The following GLRA1 variants were observed in gnomAD, a reference collection of about 807,000 sequenced individuals.
GLRA1 encodes glycine receptor subunit alpha-1.
Under a neutral mutation model 48.3 loss-of-function variants are expected in GLRA1, and 37 were observed. That is an observed-to-expected ratio of 0.77 (90% CI 0.59 to 1.01). GLRA1 has a LOEUF of 1.01. GLRA1 is among the 50% of genes least tolerant of loss of function. The pLI, the probability that GLRA1 is intolerant of heterozygous loss-of-function variation, is 0.00. For missense variants in GLRA1, 427 were observed against 571.0 expected (o/e 0.75, Z 2.57); for synonymous variants, 196 against 210.7 (o/e 0.93, Z 0.60).
chr5:151,866,399 C>G (rs1004134868), intron 3 of GLRA1, among the ~76,000 whole-genome samples: 6 of 152,276 alleles, frequency 3.9e-5, no homozygotes, highest in South Asian at 2.1e-4. Context: ...CAGATTCTAA[C>G]CTCTCCTAAT....
chr5:151,843,256 ATTTTTTTT>A (rs34491994), intron 7 of GLRA1, among the ~76,000 whole-genome samples: 1 of 120,768 alleles, frequency 8.3e-6, no homozygotes, highest in African/African-American at 3.0e-5. Flanking sequence ...CTGCTTCTAA[ATTTTTTTT>A]TTTTTTTTTT....
chr5:151,887,275 G>A (rs1250076485), intron 2 of GLRA1, among the ~76,000 whole-genome samples: 1 of 152,224 alleles, frequency 6.6e-6, no homozygotes, highest in African/African-American at 2.4e-5. Flanking sequence ...AACCTCAGGG[G>A]AAGTCCACAG....
At chr5:151,888,252 G>C (rs1753964614) in intron 2 of GLRA1, among the ~76,000 whole-genome samples, 1 of 152,200 alleles carries the variant, frequency 6.6e-6, no homozygotes, top group Non-Finnish European at 1.5e-5. Flanking sequence ...CTCAAACTAA[G>C]CTAGGATCAG....
intron 1 of GLRA1, among the ~76,000 whole-genome samples, chr5:151,909,595 A>G (rs1754557648): frequency 6.6e-6 from 1 of 152,166 alleles, no homozygotes; most frequent in Non-Finnish European, 1.5e-5. Flanking sequence ...TTTATTTTTA[A>G]TTTGATTTTT....
At chr5:151,871,972 T>C (rs1753498069) in intron 3 of GLRA1, among the ~76,000 whole-genome samples, 1 of 149,748 alleles carries the variant, frequency 6.7e-6, no homozygotes, top group Admixed American at 6.6e-5. Flanking sequence ...AACAGACGGC[T>C]TTCTCTACCA....
At chr5:151,844,618 T>A (rs368613865) in intron 7 of GLRA1, among the ~76,000 whole-genome samples, 1 of 32,030 alleles carries the variant, frequency 3.1e-5, no homozygotes, top group Non-Finnish European at 5.8e-5. Flanking sequence ...TAGTACTCTA[T>A]CTCAAAAAAA....
At chr5:151,825,830 A>G (rs1192737385) in intron 8 of GLRA1, among the ~76,000 whole-genome samples, 1 of 152,206 alleles carries the variant, frequency 6.6e-6, no homozygotes, top group African/African-American at 2.4e-5. Context: ...GCATGTAGCT[A>G]GTTCCTCTCC....
At chr5:151,879,581 C>T (rs1263195697) in intron 3 of GLRA1, among the ~76,000 whole-genome samples, 1 of 152,144 alleles carries the variant, frequency 6.6e-6, no homozygotes, top group Admixed American at 6.5e-5. Context: ...GAACTCCTGA[C>T]CTAAAGTGAT....
At chr5:151,899,615 A>G (rs1667091911) in intron 1 of GLRA1, among the ~76,000 whole-genome samples, 1 of 152,008 alleles carries the variant, frequency 6.6e-6, no homozygotes. Flanking sequence ...CCTGCTGGTC[A>G]CCCTCAGCTT....
chr5:151,904,344 G>A (rs1465282789), intron 1 of GLRA1, among the ~76,000 whole-genome samples: 3 of 152,116 alleles, frequency 2.0e-5, no homozygotes, highest in Non-Finnish European at 2.9e-5. Context: ...TGCTTGTTGC[G>A]TGTCTCAGAG....
chr5:151,864,139 A>ATGTG (rs5872230), intron 3 of GLRA1, among the ~76,000 whole-genome samples: 49,519 of 150,092 alleles, frequency 0.33, 8,527 homozygotes, highest in Non-Finnish European at 0.4. Context: ...TGAAGTGTGC[A>ATGTG]TGTGTGTGTG....
chr5:151,855,920 A>G (rs1753028955), intron 5 of GLRA1, among the ~76,000 whole-genome samples: 1 of 152,116 alleles, frequency 6.6e-6, no homozygotes, highest in Admixed American at 6.5e-5. Context: ...TTCTAACAAC[A>G]CACCAATCAC....
At chr5:151,829,691 A>C (rs1290613922) in intron 7 of GLRA1, among the ~76,000 whole-genome samples, 1 of 152,232 alleles carries the variant, frequency 6.6e-6, no homozygotes, top group Admixed American at 6.5e-5. Flanking sequence ...CATATGTGCA[A>C]TCATCATCAT....
chr5:151,921,921 A>G (rs1754884980), intron 1 of GLRA1, among the ~76,000 whole-genome samples: 3 of 152,244 alleles, frequency 2.0e-5, no homozygotes, highest in Admixed American at 2.0e-4. Flanking sequence ...TTTGTCTTCC[A>G]GGACCCCATG....
chr5:151,857,846 A>G (rs1753088570), intron 4 of GLRA1, among the ~76,000 whole-genome samples: 1 of 152,258 alleles, frequency 6.6e-6, no homozygotes, highest in Non-Finnish European at 1.5e-5. Context: ...AAAGGCTTTC[A>G]GAGCCCAAAG....
At chr5:151,825,817 C>T (rs1174361818) in intron 8 of GLRA1, among the ~76,000 whole-genome samples, 1 of 152,172 alleles carries the variant, frequency 6.6e-6, no homozygotes, top group Non-Finnish European at 1.5e-5. Flanking sequence ...CTGAGAAATT[C>T]AGGCATGTAG....
intron 7 of GLRA1, among the ~76,000 whole-genome samples, chr5:151,836,610 T>A (rs551249642): frequency 6.6e-6 from 1 of 152,114 alleles, no homozygotes. Flanking sequence ...AAAACTGATA[T>A]ATAGACCAAC....
chr5:151,900,674 T>C (rs992427407), intron 1 of GLRA1, among the ~76,000 whole-genome samples: 6 of 152,212 alleles, frequency 3.9e-5, no homozygotes, highest in Non-Finnish European at 2.9e-5. Context: ...CGTTTTCTTT[T>C]TCTCATCTTC....
intron 1 of GLRA1, among the ~76,000 whole-genome samples, chr5:151,893,072 G>A (rs1216876419): frequency 1.3e-5 from 2 of 152,164 alleles, no homozygotes; most frequent in African/African-American, 4.8e-5. Flanking sequence ...CCAGTTAGCA[G>A]AAGGGACTGA....
Sources: gnomAD v4.1 joint callset for allele counts (sites outside exome capture counted in the v4.1 genomes callset) on GRCh38, gnomAD v4.1.1 for gene constraint, MANE v1.5 for transcripts, NCBI Gene and HGNC (gene_info 2026-07-23, HGNC 2026-07-21) for gene names.